Variants in FGF14 observed in about 807,000 individuals in gnomAD.
The protein encoded by FGF14 is fibroblast growth factor homologous factor 4.
Under a neutral mutation model 25.5 loss-of-function variants are expected in FGF14, and 5 were observed. The observed-to-expected ratio is 0.20, with a 90% CI of 0.10 to 0.41. The LOEUF is 0.41. Ranked by LOEUF, FGF14 falls within the 10% of genes least tolerant of loss-of-function variation. The pLI is 1.00. For synonymous variants in FGF14, 138 were observed against 118.3 expected (o/e 1.17, Z -1.08); for missense variants, 222 against 320.1 (o/e 0.69, Z 2.34).
intron 1 of FGF14, among the ~76,000 whole-genome samples, chr13:101,943,828 T>TATATATATATATATATATACACACAC (rs1482940479): frequency 1.5e-4 from 20 of 133,910 alleles, no homozygotes; most frequent in African/African-American, 5.2e-4. Flanking sequence ...AAAAAAAAAA[T>TATATATATATATATATATACACACAC]ATATATATAT....
intron 1 of FGF14, among the ~76,000 whole-genome samples, chr13:101,988,342 C>T (rs2038705862): frequency 6.6e-6 from 1 of 151,910 alleles, no homozygotes; most frequent in African/African-American, 2.4e-5. Context: ...AAAGGGGTAA[C>T]TGGCTAGCAC....
At chr13:101,892,250 A>G (rs2029874410) in intron 1 of FGF14, among the ~76,000 whole-genome samples, 1 of 152,112 alleles carries the variant, frequency 6.6e-6, no homozygotes, top group Non-Finnish European at 1.5e-5. Flanking sequence ...AGTGCCTTAT[A>G]TTACCTAAAA....
chr13:101,776,976 C>A (rs1207460567), intron 3 of FGF14, among the ~76,000 whole-genome samples: 2 of 152,146 alleles, frequency 1.3e-5, no homozygotes, highest in African/African-American at 4.8e-5. Flanking sequence ...AGTTGTTAAT[C>A]CCATTCATGC....
intron 1 of FGF14, among the ~76,000 whole-genome samples, chr13:102,278,409 G>T (rs571394280): frequency 2.7e-4 from 41 of 152,272 alleles, no homozygotes; most frequent in African/African-American, 9.9e-4. Flanking sequence ...GGTATGTACT[G>T]ACATCAGCCA....
intron 1 of FGF14, among the ~76,000 whole-genome samples, chr13:101,906,679 T>C (rs2032287581): frequency 6.6e-6 from 1 of 152,180 alleles, no homozygotes; most frequent in Admixed American, 6.5e-5. Context: ...GATAATATTA[T>C]CATGTCTATA....
intron 1 of FGF14, among the ~76,000 whole-genome samples, chr13:102,370,212 T>G (rs528714024): frequency 1.9e-4 from 29 of 152,216 alleles, no homozygotes; most frequent in Admixed American, 5.2e-4. Flanking sequence ...AGGCTGCTCT[T>G]GAACTCCTGG....
intron 3 of FGF14, among the ~76,000 whole-genome samples, chr13:101,797,401 T>G (rs1566913569): frequency 6.6e-6 from 1 of 152,058 alleles, no homozygotes; most frequent in South Asian, 2.1e-4. Flanking sequence ...GCGTCCTTTA[T>G]AAAGGTGTGT....
intron 1 of FGF14, among the ~76,000 whole-genome samples, chr13:102,007,023 C>T (rs4772435): frequency 0.28 from 43,086 of 151,812 alleles, 6,982 homozygotes; most frequent in East Asian, 0.7. Flanking sequence ...GGATTACAGG[C>T]GTGAGCCACC....
chr13:102,253,635 A>C (rs1433088255), intron 1 of FGF14, among the ~76,000 whole-genome samples: 1 of 152,146 alleles, frequency 6.6e-6, no homozygotes, highest in Non-Finnish European at 1.5e-5. Context: ...CTCTGATGAT[A>C]GTTTATTTTG....
chr13:102,161,591 A>AGAGGAAGAG (rs2047669731), intron 1 of FGF14, among the ~76,000 whole-genome samples: 1 of 3,920 alleles, frequency 2.6e-4, no homozygotes, highest in Non-Finnish European at 3.8e-4. Context: ...AAGAAGAAGA[A>AGAGGAAGAG]GAAGAAGAAG....
rs1009432663 is a variant in FGF14, at chr13:101,711,927, G to C, written c.*10904C>G. 5 of 152,356 alleles carry C rather than the reference G, an allele frequency of 3.3e-5. No homozygotes were observed. Among genetic ancestry groups the C allele is most frequent in the Non-Finnish European group, 7.3e-5 (5 of 68,176 alleles). 9.4% of individuals were successfully genotyped at this position (152,356 alleles called of 1,614,324 possible). On this transcript the variant is annotated 3_prime_UTR_variant, in exon 5 of 5. Transcript: ENST00000376143. ...TGTTCTCTGGCTAGGCTGGGTCTCA[G>C]GGGTGTGAGTGGGTCTTGGCCAGCT... is the stretch of plus-strand genomic sequence containing the variant.
At chr13:101,971,013 C>T (rs1249686547) in intron 1 of FGF14, among the ~76,000 whole-genome samples, 1 of 152,122 alleles carries the variant, frequency 6.6e-6, no homozygotes, top group Admixed American at 6.6e-5. Context: ...AGTTTATATG[C>T]TGTTTCTTCT....
At chr13:102,195,402 C>T (rs541767657) in intron 1 of FGF14, among the ~76,000 whole-genome samples, 2 of 152,004 alleles carry the variant, frequency 1.3e-5, no homozygotes, top group Non-Finnish European at 2.9e-5. Context: ...ATACCACTGA[C>T]ATTAAATTGG....
chr13:101,991,831 A>G (rs2038923745), intron 1 of FGF14, among the ~76,000 whole-genome samples: 1 of 152,012 alleles, frequency 6.6e-6, no homozygotes, highest in African/African-American at 2.4e-5. Flanking sequence ...CACTTTCTTA[A>G]ATTTTACCTC....
chr13:102,124,078 T>C (rs1314652137), intron 1 of FGF14, among the ~76,000 whole-genome samples: 1 of 152,042 alleles, frequency 6.6e-6, no homozygotes, highest in Non-Finnish European at 1.5e-5. Context: ...TGAAAATAAT[T>C]TGAAGGCAAA....
chr13:102,163,937 A>G (rs957980245), intron 1 of FGF14, among the ~76,000 whole-genome samples: 14 of 152,252 alleles, frequency 9.2e-5, no homozygotes, highest in African/African-American at 3.1e-4. Flanking sequence ...GAAATAGTGA[A>G]AACCTAACTT....
chr13:102,293,356 T>C (rs983053867), intron 1 of FGF14: 2 of 152,188 alleles, frequency 1.3e-5, no homozygotes, highest in South Asian at 2.1e-4. Flanking sequence ...ATCTTCCTGA[T>C]GGAATTTGTC....
intron 1 of FGF14, among the ~76,000 whole-genome samples, chr13:102,213,620 T>C (rs1051246790): frequency 6.6e-5 from 10 of 152,292 alleles, no homozygotes; most frequent in African/African-American, 4.8e-5. Context: ...GTTGTCAATG[T>C]TAACGAAAAA....
chr13:102,252,701 G>A lies in FGF14; in HGVS notation c.208+148770C>T, dbSNP rs190972815. 5.0e-3 allele frequency among the ~76,000 whole-genome samples: 766 copies of A among 151,726 alleles called. 15 individuals carry two copies. Among genetic ancestry groups the A allele is most frequent in the Non-Finnish European group, 3.9e-3 (262 of 67,930 alleles). On this transcript the variant is annotated intron_variant, in intron 1 of 4. Coordinates refer to the FGF14 transcript ENST00000376131. ...ATTATACTTTAAGTTTTGGTTAAAT[G>A]GGTACATGCTCAGAACGTGCAGGTT...
Sources: allele counts gnomAD v4.1 joint callset (sites outside exome capture counted in the v4.1 genomes callset), GRCh38; gene constraint gnomAD v4.1.1; transcripts MANE v1.5; gene names NCBI Gene and HGNC (gene_info 2026-07-23, HGNC 2026-07-21).